SPAG16: variants seen among roughly 807,000 people sequenced by gnomAD.
The protein encoded by SPAG16 is sperm associated antigen 16.
SPAG16 carries 86 observed loss-of-function variants against 80.4 expected under a neutral mutation model. The ratio of observed to expected loss-of-function variants is 1.07; its 90% CI spans 0.90 to 1.28. The LOEUF (loss-of-function observed/expected upper bound fraction) is 1.28, where lower values mean the gene tolerates loss of function less well. Ranked by LOEUF, SPAG16 falls within the 50% of genes most tolerant of loss-of-function variation. The pLI, the probability that SPAG16 is intolerant of heterozygous loss-of-function variation, is 0.00. For missense variants in SPAG16, 870 were observed against 765.3 expected (o/e 1.14, Z -1.61); for synonymous variants, 294 against 265.9 (o/e 1.11, Z -1.03).
At chr2:214,043,192 T>C (rs1255522601) in intron 13 of SPAG16, among the ~76,000 whole-genome samples, 1 of 151,764 alleles carries the variant, frequency 6.6e-6, no homozygotes, top group Non-Finnish European at 1.5e-5. Context: ...AGTGGGAATA[T>C]TTAAATTATG....
At chr2:214,029,981 G>A (rs146847094) in intron 13 of SPAG16, among the ~76,000 whole-genome samples, 118 of 152,160 alleles carry the variant, frequency 7.8e-4, no homozygotes, top group African/African-American at 2.6e-3. Flanking sequence ...TATTTTAGTG[G>A]TAAGAACAAT....
At chr2:214,337,248 A>T (rs1697364103) in intron 15 of SPAG16, among the ~76,000 whole-genome samples, 1 of 152,140 alleles carries the variant, frequency 6.6e-6, no homozygotes, top group Admixed American at 6.5e-5. Context: ...AAAAAAGAGA[A>T]GGTTTAGGAA....
chr2:214,340,557 T>C (rs1376798617), intron 15 of SPAG16, among the ~76,000 whole-genome samples: 1 of 152,228 alleles, frequency 6.6e-6, no homozygotes, highest in Non-Finnish European at 1.5e-5. Flanking sequence ...CCCCAGAGCA[T>C]GATGGGCCGT....
chr2:214,232,656 T>C (rs975899320), intron 15 of SPAG16, among the ~76,000 whole-genome samples: 1 of 152,028 alleles, frequency 6.6e-6, no homozygotes, highest in Non-Finnish European at 1.5e-5. Flanking sequence ...GTTTGGACAG[T>C]AGTTCATTTT....
At chr2:213,412,124 C>T (rs1323967407) in intron 9 of SPAG16, among the ~76,000 whole-genome samples, 1 of 152,142 alleles carries the variant, frequency 6.6e-6, no homozygotes, top group Non-Finnish European at 1.5e-5. Context: ...CTAACTCATT[C>T]CGATCACCTG....
intron 10 of SPAG16, among the ~76,000 whole-genome samples, chr2:213,584,064 A>G (rs1408978928): frequency 1.3e-5 from 2 of 152,238 alleles, no homozygotes; most frequent in Non-Finnish European, 2.9e-5. Context: ...CTTTGAAACT[A>G]GGAGTTATGT....
In SPAG16 at chr2:213,547,108, C is replaced by A. The variant is rs114796743; in HGVS notation, c.1070+57018C>A. 2.9e-3 allele frequency among the ~76,000 whole-genome samples: 435 copies of A among 152,104 alleles called. 2 individuals are homozygous for A. The highest frequency in any genetic ancestry group is 0.01 in the African/African-American group (417 of 41,554). On this transcript the variant is annotated intron_variant, in intron 10 of 15. Coordinates refer to ENST00000331683, the MANE Select transcript of SPAG16 (RefSeq NM_024532.5). ...TCAAACTAAATATCATTTACTTTTT[C>A]TATTTAAGTAATAACCTCAGGGCTC...
In SPAG16 at chr2:214,279,890, A is replaced by G. The variant is rs80214891; in HGVS notation, c.1721-130250A>G. Among the ~76,000 whole-genome samples, 1,069 of 152,346 alleles carry G rather than the reference A, an allele frequency of 7.0e-3. 9 individuals carry two copies. Among genetic ancestry groups the G allele is most frequent in the African/African-American group, 0.025 (1,022 of 41,586 alleles). ...AAATATTTGAAAATCAAAAAAACCC[A>G]TGGATCAAAGAAGAAATAAAAAAGT... On this transcript the variant is annotated intron_variant, in intron 15 of 15. Transcript: ENST00000331683.
At chr2:213,427,686 A>T (rs1302624478) in intron 9 of SPAG16, among the ~76,000 whole-genome samples, 2 of 152,310 alleles carry the variant, frequency 1.3e-5, no homozygotes, top group Non-Finnish European at 2.9e-5. Context: ...ACATATTCTC[A>T]TCCTGAAAGC....
chr2:213,706,440 G>A (rs2065755996), intron 10 of SPAG16, among the ~76,000 whole-genome samples: 1 of 152,186 alleles, frequency 6.6e-6, no homozygotes, highest in East Asian at 1.9e-4. Context: ...TTTTTGGAAA[G>A]AATTTATATT....
At chr2:213,408,275 G>T (rs2068777080) in intron 9 of SPAG16, among the ~76,000 whole-genome samples, 1 of 152,186 alleles carries the variant, frequency 6.6e-6, no homozygotes, top group Non-Finnish European at 1.5e-5. Context: ...AAGCACTGAG[G>T]CCACTGACAA....
chr2:213,896,337 T>C (rs1050211547), intron 11 of SPAG16, among the ~76,000 whole-genome samples: 4 of 151,962 alleles, frequency 2.6e-5, no homozygotes, highest in African/African-American at 9.7e-5. Context: ...AACTTTCTTA[T>C]ACTGTTGGTG....
chr2:213,361,267 G>A (rs564563513), intron 7 of SPAG16, among the ~76,000 whole-genome samples: 2 of 151,718 alleles, frequency 1.3e-5, no homozygotes, highest in African/African-American at 4.8e-5. Flanking sequence ...CATGACCCAA[G>A]AAAAGGTGAA....
intron 11 of SPAG16, among the ~76,000 whole-genome samples, chr2:213,884,157 T>A (rs1404675084): frequency 6.6e-6 from 1 of 152,200 alleles, no homozygotes; most frequent in Non-Finnish European, 1.5e-5. Context: ...TTCTTTTGAT[T>A]CCACATTTAG....
chr2:213,726,312 G>A (rs1391482017), intron 10 of SPAG16, among the ~76,000 whole-genome samples: 1 of 152,316 alleles, frequency 6.6e-6, no homozygotes, highest in Non-Finnish European at 1.5e-5. Flanking sequence ...GCAGGACTGA[G>A]ATCCAGTCCT....
At chr2:213,728,922 GA>G (rs2066906190) in intron 10 of SPAG16, among the ~76,000 whole-genome samples, 2 of 89,538 alleles carry the variant, frequency 2.2e-5, no homozygotes, top group Non-Finnish European at 4.5e-5. Flanking sequence ...AAAAAAAAAA[GA>G]TGATGGAATG....
chr2:214,052,397 C>T lies in SPAG16; in HGVS notation c.1527+38320C>T, dbSNP rs890739725. Among the ~76,000 whole-genome samples, 11 of 152,268 alleles carry T rather than the reference C, an allele frequency of 7.2e-5. No individual in the cohort carries two copies. In the South Asian group the frequency reaches 1.7e-3, roughly 23 times the overall value. ...CAACGTTTTCTGGTTTAACTCAGAG[C>T]GCAGCACAGAGTTACAAACGAAAGA... is the stretch of plus-strand genomic sequence containing the variant. On this transcript the variant is annotated intron_variant, in intron 13 of 15. Coordinates refer to ENST00000331683, the MANE Select transcript of SPAG16 (RefSeq NM_024532.5).
intron 9 of SPAG16, among the ~76,000 whole-genome samples, chr2:213,404,231 CAA>C (rs1464128618): frequency 6.6e-6 from 1 of 152,110 alleles, no homozygotes; most frequent in Non-Finnish European, 1.5e-5. Flanking sequence ...TGGAACCAAA[CAA>C]GAGCCCGCAT....
At chr2:213,329,812 G>T (rs2064008217) in intron 5 of SPAG16, among the ~76,000 whole-genome samples, 1 of 152,148 alleles carries the variant, frequency 6.6e-6, no homozygotes, top group Admixed American at 6.5e-5. Flanking sequence ...AGAGGCTTAG[G>T]AGGAAAAAAT....
Sources: gnomAD v4.1 joint callset for allele counts (sites outside exome capture counted in the v4.1 genomes callset) on GRCh38, gnomAD v4.1.1 for gene constraint, MANE v1.5 for transcripts, NCBI Gene and HGNC (gene_info 2026-07-23, HGNC 2026-07-21) for gene names.